The following ELFN2 variants were observed in gnomAD, a reference collection of about 807,000 sequenced individuals.
ELFN2 encodes protein phosphatase 1 regulatory subunit 29.
Under a neutral mutation model 45.5 loss-of-function variants are expected in ELFN2, and 17 were observed. That is an observed-to-expected ratio of 0.37 (90% confidence interval 0.26 to 0.56). The LOEUF (loss-of-function observed/expected upper bound fraction) is 0.56, where lower values mean the gene tolerates loss of function less well. Ranked by LOEUF, ELFN2 falls within the 20% of genes least tolerant of loss-of-function variation. The pLI is 0.77. For synonymous variants in ELFN2, 550 were observed against 551.5 expected (o/e 1.00, Z 0.04); for missense variants, 922 against 1,183.2 (o/e 0.78, Z 3.24).
rs1332806072 is a variant in ELFN2 at position 37,373,475 on chromosome 22, C to T, written c.2060G>A (p.Gly687Asp). 3.9e-6 allele frequency: 6 copies of T among 1,541,452 alleles called. No individual in the cohort carries two copies. The highest frequency in any genetic ancestry group is 5.2e-6 in the Non-Finnish European group (6 of 1,145,414). The change falls in exon 3 of 3, where the codon GGC becomes GAC. Residue 687 changes from glycine (G) to aspartate (D), a missense_variant. Gly to Asp is a moderately conservative substitution (Grantham distance 94). Transcript: ENST00000402918. ...LPLVPAGSGG[G>D]SGGGGGIHHL... ...GTGGATGCCCCCGCCCCCGCCGCTG[C>T]CCCCGCCGCTGCCCGCCGGCACCAG...
intron 2 of ELFN2, among the ~76,000 whole-genome samples, chr22:37,378,766 G>A (rs114516419): frequency 0.048 from 7,329 of 152,316 alleles, 287 homozygotes; most frequent in Middle Eastern, 0.14. Context: ...TCCCCATCCC[G>A]GGCTGCCTGC....
rs28611439 is a variant in ELFN2 at position 37,356,581 on chromosome 22, C to T, written n.149-13878G>A. On this transcript the variant is annotated intron_variant and non_coding_transcript_variant, in intron 1 of 2. Coordinates refer to ENST00000452946, the Ensembl canonical transcript of ELFN2. ...CTCCTGGCCAGGCGTGAACGTCTTTCCTCTACACCTGCGCACCCACCTCAG... is the reference window on the plus strand; with the variant it reads ...CTCCTGGCCAGGCGTGAACGTCTTTTCTCTACACCTGCGCACCCACCTCAG... Among the ~76,000 whole-genome samples, 785 of 152,292 alleles carry T rather than the reference C, an allele frequency of 5.2e-3. 10 individuals are homozygous for T. Among genetic ancestry groups the T allele is most frequent in the African/African-American group, 0.018 (761 of 41,556 alleles).
intron 1 of ELFN2, among the ~76,000 whole-genome samples, chr22:37,342,994 C>T (rs541482019): frequency 1.8e-3 from 268 of 152,254 alleles, no homozygotes; most frequent in African/African-American, 6.0e-3. Flanking sequence ...CACTCGGCAC[C>T]CCATGAATGC....
At chr22:37,365,123 G>T (rs966452201), downstream of ELFN2, among the ~76,000 whole-genome samples, 9 of 152,152 alleles carry the variant, frequency 5.9e-5, no homozygotes, top group Admixed American at 2.0e-4. Flanking sequence ...GCCAGCCTCT[G>T]AGACACTGGG....
Position 37,396,517 on chromosome 22 carries a change from T to C in ELFN2, c.-462-20521A>G, listed in dbSNP as rs535860013. 3.3e-5 allele frequency among the ~76,000 whole-genome samples: 5 copies of C among 152,308 alleles called. No homozygotes were observed. The East Asian group carries it at 9.6e-4, about 29-fold the overall frequency. On this transcript the variant is annotated intron_variant, in intron 2 of 2. Coordinates refer to ENST00000402918, the MANE Select transcript of ELFN2 (RefSeq NM_052906.5). ...CTACTTTCAGACCCTCTGGGGCACT[T>C]TGAAGGAGGTCAGAGCTGGCAGATC...
At position 37,417,002 on chromosome 22, in the gene ELFN2, C is replaced by T. The variant is rs978149118; in HGVS notation, c.-463+767G>A. ...CTTTCTCTGTCTCCTCCTCTCTCCA[C>T]GGAGACCACAATGCCACAGAGGCGG... On this transcript the variant is annotated intron_variant, in intron 2 of 2. Transcript: ENST00000402918. The surrounding 1 kb of genome is among the most constrained non-coding windows in gnomAD (Gnocchi z 4.5). Among the ~76,000 whole-genome samples, 48 of 152,118 alleles carry T rather than the reference C, an allele frequency of 3.2e-4. 1 individual carries two copies. Among genetic ancestry groups the T allele is most frequent in the East Asian group, 2.3e-3 (12 of 5,174 alleles).
intron 1 of ELFN2, among the ~76,000 whole-genome samples, chr22:37,358,923 A>G (rs773528750): frequency 6.6e-6 from 1 of 152,166 alleles, no homozygotes; most frequent in Non-Finnish European, 1.5e-5. Flanking sequence ...ACGGCCCATC[A>G]TGTTGGCTTG....
chr22:37,390,871 A>AG (rs1342177420), intron 2 of ELFN2, among the ~76,000 whole-genome samples: 1 of 152,132 alleles, frequency 6.6e-6, no homozygotes, highest in Non-Finnish European at 1.5e-5. Flanking sequence ...AGGCTGGCCC[A>AG]GGGGGAGGCC....
chr22:37,398,185 C>A (rs942289103), intron 2 of ELFN2, among the ~76,000 whole-genome samples: 70 of 152,266 alleles, frequency 4.6e-4, no homozygotes, highest in African/African-American at 1.3e-3. Flanking sequence ...CAGCTGTGGG[C>A]GGTGGAGCTA....
At chr22:37,381,441 C>T (rs889541176) in intron 2 of ELFN2, among the ~76,000 whole-genome samples, 13 of 152,158 alleles carry the variant, frequency 8.5e-5, no homozygotes, top group Middle Eastern at 3.4e-3. Flanking sequence ...AGGCACACTC[C>T]CCACCCCAGG....
intron 2 of ELFN2, among the ~76,000 whole-genome samples, chr22:37,382,336 C>T (rs1398728990): frequency 1.3e-5 from 2 of 152,264 alleles, no homozygotes; most frequent in East Asian, 3.9e-4. Context: ...CCTCTGCCTC[C>T]CAGGTTCAAG....
intron 2 of ELFN2, among the ~76,000 whole-genome samples, chr22:37,401,584 C>T (rs527906831): frequency 2.0e-5 from 3 of 152,316 alleles, no homozygotes; most frequent in African/African-American, 4.8e-5. Flanking sequence ...TCAGGAAACA[C>T]GGCCCCAGCT....
At chr22:37,361,752 T>A (rs558589383) in intron 1 of ELFN2, among the ~76,000 whole-genome samples, 2 of 152,202 alleles carry the variant, frequency 1.3e-5, no homozygotes, top group Non-Finnish European at 2.9e-5. Context: ...GCTAACAAAC[T>A]GTTAGAATAT....
intron 2 of ELFN2, among the ~76,000 whole-genome samples, chr22:37,397,244 G>A (rs1407892934): frequency 2.6e-5 from 4 of 152,284 alleles, no homozygotes; most frequent in East Asian, 3.9e-4. Flanking sequence ...GAAGCACGGC[G>A]TGCCCCTCTG....
intron 1 of ELFN2, among the ~76,000 whole-genome samples, chr22:37,420,085 G>T (rs1363915378): frequency 6.6e-6 from 1 of 152,168 alleles, no homozygotes; most frequent in Admixed American, 6.5e-5. Flanking sequence ...CTGGCGGGGT[G>T]GGCCGCGGGG....
Position 37,375,628 on chromosome 22 carries a change from AC to A in ELFN2, c.-95del. 1 of 1,409,690 alleles carries A rather than the reference AC, an allele frequency of 7.1e-7. No individual in the cohort carries two copies. Among genetic ancestry groups the A allele is most frequent in the Non-Finnish European group, 9.4e-7 (1 of 1,063,340 alleles). The allele number at this position is 1,409,690 out of a possible 1,614,324, so 87.3% of individuals were successfully genotyped here. On this transcript the variant is annotated 5_prime_UTR_variant, in exon 3 of 3. The change abolishes the stop of an existing upstream ORF in the 5' untranslated region. Transcript: ENST00000402918. ...CAGTACAGTCCTCCCTGGGGCCGCC[AC>A]CATCTTGGGGGCGACCCCCAGCACG...
intron 2 of ELFN2, among the ~76,000 whole-genome samples, chr22:37,381,320 CT>C (rs34430898): frequency 0.7 from 106,544 of 151,836 alleles, 37,508 homozygotes; most frequent in Admixed American, 0.79. Flanking sequence ...TTTTCTGCCC[CT>C]GTCAGAGGAA....
chr22:37,405,030 G>T (rs990635347), intron 2 of ELFN2, among the ~76,000 whole-genome samples: 10 of 150,094 alleles, frequency 6.7e-5, no homozygotes, highest in African/African-American at 2.4e-4. Flanking sequence ...CTGAATCCTG[G>T]GTCCCCTACT....
At chr22:37,425,812 A>G (rs533562050) in intron 1 of ELFN2, among the ~76,000 whole-genome samples, 5 of 151,724 alleles carry the variant, frequency 3.3e-5, no homozygotes, top group African/African-American at 1.2e-4. Flanking sequence ...CAGACGTGAC[A>G]CGTCCCACAG....
Sources: allele counts gnomAD v4.1 joint callset (sites outside exome capture counted in the v4.1 genomes callset), GRCh38; gene constraint gnomAD v4.1.1; non-coding constraint Gnocchi (gnomAD v3.1); transcripts MANE v1.5; gene names NCBI Gene and HGNC (gene_info 2026-07-23, HGNC 2026-07-21).